The following SCARA5 variants were observed in gnomAD, a reference collection of about 807,000 sequenced individuals.
SCARA5 encodes scavenger receptor class A member 5, also known as scavenger receptor class A, member 5 (putative).
A neutral mutation model predicts 46.3 loss-of-function variants in SCARA5; 45 were observed. That is an observed-to-expected ratio of 0.97 (90% CI 0.76 to 1.24). The LOEUF is 1.24. Among genes scored for constraint, SCARA5 ranks in the 50% most tolerant of loss-of-function variants. The pLI is 0.00. For missense variants in SCARA5, 680 were observed against 689.0 expected, an observed-to-expected ratio of 0.99 and a Z score of 0.15; for synonymous variants, 333 against 306.5, an observed-to-expected ratio of 1.09 and a Z score of -0.90.
chr8:27,898,344 C>T (rs1164430317), intron 7 of SCARA5, among the ~76,000 whole-genome samples: 3 of 152,170 alleles, frequency 2.0e-5, no homozygotes, highest in African/African-American at 7.2e-5. Flanking sequence ...TCTTGGCAAA[C>T]CAGAATGTCT....
At chr8:27,900,591 A>C (rs1271798475) in intron 7 of SCARA5, among the ~76,000 whole-genome samples, 6 of 152,078 alleles carry the variant, frequency 3.9e-5, no homozygotes, top group African/African-American at 1.4e-4. Flanking sequence ...TTTTTTCCAT[A>C]TGAAACCAAA....
chr8:27,961,463 C>G (rs1808292958), intron 3 of SCARA5, among the ~76,000 whole-genome samples: 1 of 152,228 alleles, frequency 6.6e-6, no homozygotes, highest in African/African-American at 2.4e-5. Context: ...GTACAGCCTA[C>G]GAAACCATGA....
At chr8:27,883,745 G>C (rs994682111) in intron 7 of SCARA5, among the ~76,000 whole-genome samples, 3 of 152,162 alleles carry the variant, frequency 2.0e-5, no homozygotes, top group African/African-American at 7.2e-5. Context: ...GTGTCATGTG[G>C]GGTAGGGGTG....
At chr8:27,902,610 C>T (rs1267850557) in intron 7 of SCARA5, among the ~76,000 whole-genome samples, 1 of 152,192 alleles carries the variant, frequency 6.6e-6, no homozygotes, top group African/African-American at 2.4e-5. Flanking sequence ...GCCATCTTTC[C>T]ACATAGTTCC....
Position 27,921,839 on chromosome 8 carries a change from C to T in SCARA5, c.648G>A (p.Leu216=). The change falls in exon 4 of 9, where the codon CTG becomes CTA. Residue 216 remains leucine, a synonymous_variant. Transcript: ENST00000354914. The part of the protein sequence containing the change: ...LDGLARRVGI[L]GEELADVGGV... ...CGCCCACGTCGGCCAGCTCCTCGCCCAGGATGCCCACCCTGCGCGCCAGCC... is the reference window on the plus strand; with the variant it reads ...CGCCCACGTCGGCCAGCTCCTCGCCTAGGATGCCCACCCTGCGCGCCAGCC... 6.5e-7 allele frequency: 1 copy of T among 1,541,946 alleles called. No individual in the cohort carries two copies. The highest frequency in any genetic ancestry group is 8.7e-7 in the Non-Finnish European group (1 of 1,150,154).
At chr8:27,897,334 G>A (rs1287091498) in intron 7 of SCARA5, among the ~76,000 whole-genome samples, 4 of 152,194 alleles carry the variant, frequency 2.6e-5, no homozygotes, top group East Asian at 1.9e-4. Flanking sequence ...ACGGGAGCTC[G>A]GGGTCACGGA....
intron 4 of SCARA5, among the ~76,000 whole-genome samples, chr8:27,916,897 A>T (rs1175109434): frequency 6.6e-6 from 1 of 152,148 alleles, no homozygotes; most frequent in African/African-American, 2.4e-5. Context: ...TGGTATCCGG[A>T]GGCAGGGCCT....
chr8:27,898,210 A>G (rs1436472346), intron 7 of SCARA5, among the ~76,000 whole-genome samples: 1 of 151,804 alleles, frequency 6.6e-6, no homozygotes, highest in African/African-American at 2.4e-5. Context: ...AACCACTCAC[A>G]GCATGGATTA....
At chr8:27,929,409 T>C (rs532420486) in intron 3 of SCARA5, among the ~76,000 whole-genome samples, 135 of 152,248 alleles carry the variant, frequency 8.9e-4, no homozygotes, top group Middle Eastern at 3.4e-3. Flanking sequence ...GGTACATGTG[T>C]ATGGGAGGGA....
intron 3 of SCARA5, among the ~76,000 whole-genome samples, chr8:27,964,454 TA>T (rs1243763840): frequency 1.3e-5 from 2 of 152,208 alleles, no homozygotes; most frequent in African/African-American, 4.8e-5. Flanking sequence ...ACATTTCTAT[TA>T]GATTGGGAAA....
chr8:27,955,000 C>T (rs1808184894), intron 3 of SCARA5, among the ~76,000 whole-genome samples: 1 of 152,200 alleles, frequency 6.6e-6, no homozygotes, highest in Non-Finnish European at 1.5e-5. Context: ...AGAAGCACTC[C>T]ATCCAGCGGA....
chr8:27,900,053 A>G lies in SCARA5; in HGVS notation c.1153+4725T>C, dbSNP rs1385162855. Among the ~76,000 whole-genome samples the G allele has an allele frequency of 5.3e-5, 8 of 152,166 alleles. No individual in the cohort carries two copies. The East Asian group carries it at 1.6e-3, about 29-fold the overall frequency. On this transcript the variant is annotated intron_variant, in intron 7 of 8. Transcript: ENST00000354914. ...CTCTGGAGGCTGAGGCAGGAGAGTC[A>G]CTTGAACCCAGGAGGCGGAGGTTGC...
Position 27,909,891 on chromosome 8 carries a change from CG to C in SCARA5, c.917-149del, listed in dbSNP as rs1563521517. On this transcript the variant is annotated intron_variant, in intron 4 of 8. Transcript: ENST00000354914. ...TCACAGGAAACCCCCAGCCCAGTCT[CG>C]GGGGGCATCAGGAAAGTCTTCCTGG... 18 of 534,108 alleles carry C rather than the reference CG, an allele frequency of 3.4e-5. No homozygotes were observed. In the South Asian group the frequency reaches 4.6e-4, roughly 14 times the overall value. 33.1% of individuals were successfully genotyped at this position (534,108 alleles called of 1,614,324 possible).
At chr8:27,907,306 G>T in intron 5 of SCARA5, 60 bp from the exon 6 acceptor site, 1 of 1,254,874 alleles carries the variant, frequency 8.0e-7, no homozygotes, top group Non-Finnish European at 1.1e-6. Flanking sequence ...GACCCTCAGA[G>T]GTCATCGTCG....
At chr8:27,907,106 G>T in intron 6 of SCARA5, 42 bp downstream of exon 6, 2 of 1,452,920 alleles carry the variant, frequency 1.4e-6, no homozygotes, top group Non-Finnish European at 9.6e-7. Context: ...GTGCTGCCTG[G>T]GACTGGTGGT....
chr8:27,979,900 C>G (rs1339591876), intron 2 of SCARA5, among the ~76,000 whole-genome samples: 6 of 152,254 alleles, frequency 3.9e-5, no homozygotes, highest in African/African-American at 1.4e-4. Flanking sequence ...AAGCCATCCC[C>G]ACAACAGAGA....
At chr8:27,952,300 G>A (rs1367091926) in intron 3 of SCARA5, among the ~76,000 whole-genome samples, 1 of 152,174 alleles carries the variant, frequency 6.6e-6, no homozygotes, top group Admixed American at 6.5e-5. Context: ...CGAGCTGTGA[G>A]AAAATAAATT....
chr8:27,988,757 G>C (rs570241339), intron 1 of SCARA5, among the ~76,000 whole-genome samples: 67 of 152,334 alleles, frequency 4.4e-4, no homozygotes, highest in Non-Finnish European at 7.9e-4. Context: ...TTCCAGCCAT[G>C]AGTTTATCTT....
chr8:27,914,483 G>A (rs2685340), intron 4 of SCARA5, among the ~76,000 whole-genome samples: 83,221 of 152,108 alleles, frequency 0.55, 23,615 homozygotes, highest in Non-Finnish European at 0.63. Context: ...CCCCCACCTC[G>A]AACTGTGGTT....
Sources: gnomAD v4.1 joint callset for allele counts (sites outside exome capture counted in the v4.1 genomes callset) on GRCh38, gnomAD v4.1.1 for gene constraint, MANE v1.5 for transcripts, NCBI Gene and HGNC (gene_info 2026-07-23, HGNC 2026-07-21) for gene names.